ADAMTS20: variants seen among roughly 807,000 people sequenced by gnomAD.
ADAMTS20 encodes the protein ADAM metallopeptidase with thrombospondin type 1 motif 20.
ADAMTS20 carries 225 observed loss-of-function variants against 260.1 expected under a neutral mutation model. The observed-to-expected ratio is 0.87, with a 90% CI of 0.78 to 0.97. The LOEUF is 0.97. Among genes scored for constraint, ADAMTS20 ranks in the 50% least tolerant of loss-of-function variants. ADAMTS20 has a pLI of 0.00. For synonymous variants in ADAMTS20, 802 were observed against 769.5 expected (o/e 1.04, Z -0.70); for missense variants, 2,400 against 2,337.7 (o/e 1.03, Z -0.55).
At chr12:43,495,937 C>T (rs1294128566) in intron 4 of ADAMTS20, among the ~76,000 whole-genome samples, 1 of 151,968 alleles carries the variant, frequency 6.6e-6, no homozygotes, top group East Asian at 1.9e-4. Context: ...ATACCTTTAA[C>T]TATATTTAGA....
rs1374925107 is a variant in ADAMTS20 at position 43,428,702 on chromosome 12, G to A, written c.3587C>T (p.Pro1196Leu). 9 of 1,612,218 alleles carry A rather than the reference G, an allele frequency of 5.6e-6. No individual in the cohort carries two copies. The highest frequency in any genetic ancestry group is 1.7e-4 in the Middle Eastern group (1 of 6,048). ...ACAGTCCCATATTTCAGCAGGTCGG[G>A]GTAAGTGGGCACAATATGATTCATC... ...IADESYCAHLPRPAEIWDCFT... is the reference protein window; with the variant it reads ...IADESYCAHLLRPAEIWDCFT... The change falls in exon 25 of 39, where the codon CCC becomes CTC. Residue 1196 changes from proline to leucine, a missense_variant. Transcript: ENST00000389420.
At chr12:43,490,815 C>T (rs1942588809) in intron 6 of ADAMTS20, among the ~76,000 whole-genome samples, 2 of 152,028 alleles carry the variant, frequency 1.3e-5, no homozygotes, top group South Asian at 2.1e-4. Context: ...TCAGATGTTA[C>T]GAAGTTGATA....
rs769146920 is a variant in ADAMTS20 at position 43,434,372 on chromosome 12, C to T, written c.2594-1G>A. On this transcript the variant is annotated splice_acceptor_variant, in intron 18 of 38. Transcript: ENST00000389420. LOFTEE classifies it high-confidence loss of function. ...CAAGTTATGTTTCTTCGCTGAAGACCTTGGCCAAAGTCAAATGAAAATAAA... is the reference window on the plus strand; with the variant it reads ...CAAGTTATGTTTCTTCGCTGAAGACTTTGGCCAAAGTCAAATGAAAATAAA... The T allele has an allele frequency of 6.4e-7, 1 of 1,572,964 alleles. No individual in the cohort carries two copies. Among genetic ancestry groups the T allele is most frequent in the Non-Finnish European group, 8.6e-7 (1 of 1,159,672 alleles).
chr12:43,440,604 C>T (rs1219221545), intron 16 of ADAMTS20, among the ~76,000 whole-genome samples: 1 of 152,138 alleles, frequency 6.6e-6, no homozygotes, highest in African/African-American at 2.4e-5. Context: ...AATAAATTCA[C>T]TCTATACTTT....
At chr12:43,524,876 G>A (rs1943120416) in intron 3 of ADAMTS20, among the ~76,000 whole-genome samples, 1 of 152,080 alleles carries the variant, frequency 6.6e-6, no homozygotes, top group Admixed American at 6.5e-5. Context: ...TCCAAGTCTG[G>A]GATTAGGTAA....
At chr12:43,429,572 G>A (rs1227750486) in intron 24 of ADAMTS20, 45 bp downstream of exon 24, 2 of 1,362,928 alleles carry the variant, frequency 1.5e-6, no homozygotes, top group African/African-American at 1.5e-5. Context: ...ATGTCTAAAA[G>A]CTACCATAAT....
intron 23 of ADAMTS20, among the ~76,000 whole-genome samples, chr12:43,430,125 C>T (rs1200281103): frequency 6.6e-6 from 1 of 150,754 alleles, no homozygotes; most frequent in East Asian, 1.9e-4. Flanking sequence ...AATGAGTGAG[C>T]CCTTAGCAGA....
At chr12:43,425,155 G>A (rs1941307154) in intron 28 of ADAMTS20, among the ~76,000 whole-genome samples, 2 of 152,104 alleles carry the variant, frequency 1.3e-5, no homozygotes, top group South Asian at 4.1e-4. Context: ...ACTAATACAG[G>A]AACAGAAAGC....
At chr12:43,464,552 G>A (rs767711881) in intron 10 of ADAMTS20, 39 bp downstream of exon 10, 2 of 1,595,908 alleles carry the variant, frequency 1.3e-6, no homozygotes, top group African/African-American at 2.7e-5. Context: ...TAACTTTATG[G>A]CAGTTTTCGA....
At chr12:43,536,261 T>C (rs1386542943) in intron 2 of ADAMTS20, among the ~76,000 whole-genome samples, 3 of 152,086 alleles carry the variant, frequency 2.0e-5, no homozygotes, top group Non-Finnish European at 4.4e-5. Flanking sequence ...TGAACCCAAA[T>C]ACTTTGGCTT....
chr12:43,356,163 T>C (rs1262873760), intron 38 of ADAMTS20, among the ~76,000 whole-genome samples: 15 of 152,160 alleles, frequency 9.9e-5, no homozygotes. Flanking sequence ...TTCTTGAACA[T>C]CTGTATTTCA....
chr12:43,532,399 T>A (rs191697100), intron 2 of ADAMTS20, among the ~76,000 whole-genome samples: 37 of 152,220 alleles, frequency 2.4e-4, no homozygotes, highest in African/African-American at 8.9e-4. Flanking sequence ...GAAGACTGGA[T>A]AGTGTTCCAA....
rs555123427 is a variant in ADAMTS20, at chr12:43,369,198, T to C, written c.5538+92A>G. On this transcript the variant is annotated intron_variant, in intron 37 of 38. Coordinates refer to ENST00000389420, the MANE Select transcript of ADAMTS20 (RefSeq NM_025003.5). Reference sequence around the variant, plus strand: ...AGTTTTGCATTTCTATTTACTTATGTTTCTTGCAATATTCTGGTTAAAAAA... The same window carrying C: ...AGTTTTGCATTTCTATTTACTTATGCTTCTTGCAATATTCTGGTTAAAAAA... 348 of 707,746 alleles carry C rather than the reference T, an allele frequency of 4.9e-4. 1 individual carries two copies. The highest frequency in any genetic ancestry group is 6.4e-4 in the Non-Finnish European group (308 of 481,960). 43.8% of individuals were successfully genotyped at this position (707,746 alleles called of 1,614,324 possible).
chr12:43,352,822 C>T (rs1212589501), downstream of ADAMTS20, among the ~76,000 whole-genome samples: 1 of 151,988 alleles, frequency 6.6e-6, no homozygotes. Flanking sequence ...TCTAAATATA[C>T]ATGAAAAGAT....
At chr12:43,507,805 C>A (rs1182879940) in intron 3 of ADAMTS20, among the ~76,000 whole-genome samples, 1 of 152,136 alleles carries the variant, frequency 6.6e-6, no homozygotes, top group African/African-American at 2.4e-5. Context: ...GAATTCTATG[C>A]AGCCATAAAA....
At chr12:43,460,878 A>T (rs905161515) in intron 11 of ADAMTS20, among the ~76,000 whole-genome samples, 1 of 147,688 alleles carries the variant, frequency 6.8e-6, no homozygotes, top group Non-Finnish European at 1.5e-5. Flanking sequence ...AAGAACAAGA[A>T]AAAAACGAAT....
At chr12:43,470,961 T>C (rs1942244157) in intron 7 of ADAMTS20, among the ~76,000 whole-genome samples, 1 of 152,194 alleles carries the variant, frequency 6.6e-6, no homozygotes, top group South Asian at 2.1e-4. Flanking sequence ...AGCATTCAAA[T>C]ACCTTAACTA....
chr12:43,511,471 A>G (rs1384738759), intron 3 of ADAMTS20, among the ~76,000 whole-genome samples: 1 of 152,108 alleles, frequency 6.6e-6, no homozygotes, highest in Non-Finnish European at 1.5e-5. Flanking sequence ...ATAAGTGCTC[A>G]GTAAATGTTC....
At chr12:43,498,863 G>A (rs978621037) in intron 4 of ADAMTS20, among the ~76,000 whole-genome samples, 1 of 152,148 alleles carries the variant, frequency 6.6e-6, no homozygotes, top group African/African-American at 2.4e-5. Flanking sequence ...GGGAGAGTTT[G>A]TCACCCTTTC....
Sources: gnomAD v4.1 joint callset for allele counts (sites outside exome capture counted in the v4.1 genomes callset) on GRCh38, gnomAD v4.1.1 for gene constraint, MANE v1.5 for transcripts, NCBI Gene and HGNC (gene_info 2026-07-23, HGNC 2026-07-21) for gene names.